The following KIRREL1 variants were observed in gnomAD, a reference collection of about 807,000 sequenced individuals.
KIRREL1 encodes kirre like nephrin family adhesion molecule 1.
A neutral mutation model predicts 83.3 loss-of-function variants in KIRREL1; 25 were observed. The observed-to-expected ratio is 0.30, with a 90% confidence interval of 0.22 to 0.42. The LOEUF is 0.42. KIRREL1 is among the 10% of genes least tolerant of loss of function. The pLI is 1.00. For synonymous variants in KIRREL1, 388 were observed against 410.4 expected (o/e 0.95, Z 0.66); for missense variants, 812 against 1,032.3 (o/e 0.79, Z 2.92).
intron 1 of KIRREL1, among the ~76,000 whole-genome samples, chr1:158,023,834 C>G (rs533507789): frequency 6.6e-6 from 1 of 152,130 alleles, no homozygotes; most frequent in Non-Finnish European, 1.5e-5. Flanking sequence ...GGAAAGAAAA[C>G]GTTAAGTTAT....
intron 1 of KIRREL1, among the ~76,000 whole-genome samples, chr1:158,026,257 C>T (rs575803559): frequency 3.0e-4 from 45 of 152,292 alleles, no homozygotes; most frequent in African/African-American, 9.4e-4. Context: ...AGAAAGCACA[C>T]CAGGGGTAGG....
intron 1 of KIRREL1, among the ~76,000 whole-genome samples, chr1:158,071,209 C>T (rs192055370): frequency 6.6e-6 from 1 of 152,296 alleles, no homozygotes; most frequent in East Asian, 1.9e-4. Context: ...ACGCTGGGCT[C>T]TTTCCTACAG....
chr1:158,056,169 GTC>G (rs1661052326), intron 1 of KIRREL1, among the ~76,000 whole-genome samples: 1 of 152,208 alleles, frequency 6.6e-6, no homozygotes, highest in African/African-American at 2.4e-5. Context: ...GGCAAAACCA[GTC>G]TCTGTTTGTC....
At chr1:158,045,956 G>A (rs991398554) in intron 1 of KIRREL1, among the ~76,000 whole-genome samples, 1 of 152,174 alleles carries the variant, frequency 6.6e-6, no homozygotes, top group African/African-American at 2.4e-5. Flanking sequence ...CTTCCTTATT[G>A]GACCAGAGCC....
intron 3 of KIRREL1, among the ~76,000 whole-genome samples, chr1:158,081,494 A>G (rs756371900): frequency 1.6e-4 from 25 of 152,178 alleles, no homozygotes; most frequent in Non-Finnish European, 2.5e-4. Flanking sequence ...GTAGGTGTCC[A>G]TTGTATTTTT....
chr1:158,035,841 G>A (rs1233541673), intron 1 of KIRREL1, among the ~76,000 whole-genome samples: 1 of 152,218 alleles, frequency 6.6e-6, no homozygotes, highest in Non-Finnish European at 1.5e-5. Flanking sequence ...CCTAGTAGCA[G>A]TAGTGTCAAT....
intron 1 of KIRREL1, among the ~76,000 whole-genome samples, chr1:157,997,285 A>G (rs1659232887): frequency 6.6e-6 from 1 of 152,206 alleles, no homozygotes; most frequent in Non-Finnish European, 1.5e-5. Flanking sequence ...GGATGGAAGT[A>G]ATACCTCATA....
chr1:158,026,659 A>G (rs1571547246), intron 1 of KIRREL1, among the ~76,000 whole-genome samples: 1 of 152,024 alleles, frequency 6.6e-6, no homozygotes, highest in East Asian at 1.9e-4. Context: ...GATCTTCCCA[A>G]TGATCCTATG....
In KIRREL1 at chr1:158,093,001, G is replaced by A. The variant is rs78559372; in HGVS notation, c.1472-338G>A. On this transcript the variant is annotated intron_variant, in intron 11 of 14. Transcript: ENST00000359209. ...GACAGCTGACCTCAAAGAAGAGCGA[G>A]GGGCCAAGCATCATAGTCAGGTGGG... 1.1e-3 allele frequency among the ~76,000 whole-genome samples: 172 copies of A among 152,288 alleles called. 2 individuals are homozygous for A. Among genetic ancestry groups the A allele is most frequent in the Non-Finnish European group, 1.4e-3 (93 of 68,030 alleles).
intron 1 of KIRREL1, among the ~76,000 whole-genome samples, chr1:158,016,935 C>G (rs1373411667): frequency 6.6e-6 from 1 of 152,214 alleles, no homozygotes; most frequent in East Asian, 1.9e-4. Context: ...GAAGTTGGCC[C>G]TGCATTCTTT....
At position 158,094,636 on chromosome 1, in the gene KIRREL1, GC is replaced by G; in HGVS notation, c.1798-3del. 1.3e-6 allele frequency: 2 copies of G among 1,576,438 alleles called. No homozygotes were observed. Among genetic ancestry groups the G allele is most frequent in the Non-Finnish European group, 8.6e-7 (1 of 1,161,568 alleles). Reference sequence around the variant, plus strand: ...ACTGCCTCCATCCTCTTCTCTCATTGCCCCCAGGACCCCACCAATGGCTACT... The same window carrying G: ...ACTGCCTCCATCCTCTTCTCTCATTGCCCCAGGACCCCACCAATGGCTACT... On this transcript the variant is annotated splice_region_variant and splice_polypyrimidine_tract_variant and intron_variant, in intron 14 of 14. Coordinates refer to ENST00000359209, the MANE Select transcript of KIRREL1 (RefSeq NM_018240.7). This position sits in a 1 kb window ranked among gnomAD's most constrained non-coding sequence, Gnocchi z 4.6.
At chr1:158,031,377 G>T (rs1337373525) in intron 1 of KIRREL1, among the ~76,000 whole-genome samples, 1 of 152,114 alleles carries the variant, frequency 6.6e-6, no homozygotes, top group East Asian at 1.9e-4. Flanking sequence ...GCACTGCCAT[G>T]AGGCTTGGAG....
intron 1 of KIRREL1, 76 bp downstream of exon 1, chr1:157,993,804 G>T: frequency 1.0e-6 from 1 of 1,003,058 alleles, no homozygotes; most frequent in Non-Finnish European, 1.4e-6. Flanking sequence ...GTGGGAGAGT[G>T]CTGGAGTGCC....
In KIRREL1 at chr1:157,995,272, A is replaced by T. The variant is rs147355751; in HGVS notation, c.52+1544A>T. ...ATTCATTTCTCCCCACAGGGCACCCATGCCAGCCCCCCAGCACACACTATG... is the reference window on the plus strand; with the variant it reads ...ATTCATTTCTCCCCACAGGGCACCCTTGCCAGCCCCCCAGCACACACTATG... On this transcript the variant is annotated intron_variant, in intron 1 of 14. Coordinates refer to ENST00000359209, the MANE Select transcript of KIRREL1 (RefSeq NM_018240.7). Among the ~76,000 whole-genome samples the T allele has an allele frequency of 4.0e-3, 616 of 152,302 alleles. 4 individuals are homozygous for T. The highest frequency in any genetic ancestry group is 8.2e-3 in the Admixed American group (126 of 15,300).
chr1:158,025,941 G>C (rs894659639), intron 1 of KIRREL1, among the ~76,000 whole-genome samples: 2 of 152,002 alleles, frequency 1.3e-5, no homozygotes, highest in Non-Finnish European at 2.9e-5. Context: ...GGGAGGATGG[G>C]CTGGGGCAGG....
At chr1:158,019,446 A>G (rs1384437562) in intron 1 of KIRREL1, among the ~76,000 whole-genome samples, 1 of 151,740 alleles carries the variant, frequency 6.6e-6, no homozygotes, top group African/African-American at 2.4e-5. Flanking sequence ...TTTGGCAGAT[A>G]CTCTTTGGGT....
intron 1 of KIRREL1, among the ~76,000 whole-genome samples, chr1:158,005,717 T>C (rs1423880445): frequency 6.6e-6 from 1 of 152,094 alleles, no homozygotes; most frequent in East Asian, 1.9e-4. Context: ...ATAGACTTAA[T>C]TGGGTGCATG....
At chr1:158,009,564 G>A (rs2101633765) in intron 1 of KIRREL1, among the ~76,000 whole-genome samples, 1 of 152,350 alleles carries the variant, frequency 6.6e-6, no homozygotes, top group African/African-American at 2.4e-5. Flanking sequence ...GTGAGGGAGG[G>A]AGGGTCCTTT....
rs1332574635 is a variant in KIRREL1 at position 158,094,298 on chromosome 1, C to T, written c.1720-15C>T. On this transcript the variant is annotated splice_polypyrimidine_tract_variant and intron_variant, in intron 13 of 14. Coordinates refer to ENST00000359209, the MANE Select transcript of KIRREL1 (RefSeq NM_018240.7). The surrounding 1 kb of genome is among the most constrained non-coding windows in gnomAD (Gnocchi z 4.6). The stretch of plus-strand genomic sequence containing the variant: ...GGCTTCCGTCTGCTGACGTCCCACT[C>T]CTGCTGCTCCACAGTCGTTTAAGGA... 7 of 1,594,716 alleles carry T rather than the reference C, an allele frequency of 4.4e-6. No individual in the cohort carries two copies. Among genetic ancestry groups the T allele is most frequent in the Middle Eastern group, 1.7e-4 (1 of 6,032 alleles).
Sources: gnomAD v4.1 joint callset for allele counts (sites outside exome capture counted in the v4.1 genomes callset) on GRCh38, gnomAD v4.1.1 for gene constraint, Gnocchi (gnomAD v3.1) non-coding constraint, MANE v1.5 for transcripts, NCBI Gene and HGNC (gene_info 2026-07-23, HGNC 2026-07-21) for gene names.